The following ZNF804B variants were observed in gnomAD, a reference collection of about 807,000 sequenced individuals.
ZNF804B encodes the protein zinc finger 804B.
ZNF804B carries 80 observed loss-of-function variants against 101.4 expected under a neutral mutation model. The ratio of observed to expected loss-of-function variants is 0.79; its 90% CI spans 0.66 to 0.95. ZNF804B has a LOEUF of 0.95. Among genes scored for constraint, ZNF804B ranks in the 40% least tolerant of loss-of-function variants. The pLI, the probability that ZNF804B is intolerant of heterozygous loss-of-function variation, is 0.00. For synonymous variants in ZNF804B, 622 were observed against 558.8 expected, an observed-to-expected ratio of 1.11 and a Z score of -1.59; for missense variants, 1,673 against 1,561.9, an observed-to-expected ratio of 1.07 and a Z score of -1.20.
chr7:89,208,856 CA>C (rs11310411), intron 1 of ZNF804B, among the ~76,000 whole-genome samples: 5,431 of 151,918 alleles, frequency 0.036, 304 homozygotes, highest in African/African-American at 0.12. Flanking sequence ...ACTGAAAATA[CA>C]AAAAATTAGC....
At chr7:88,817,788 G>GT (rs1226705450) in intron 1 of ZNF804B, among the ~76,000 whole-genome samples, 2 of 152,030 alleles carry the variant, frequency 1.3e-5, no homozygotes, top group South Asian at 2.1e-4. Flanking sequence ...GATTTCATCT[G>GT]TTTTTTTGCA....
intron 1 of ZNF804B, among the ~76,000 whole-genome samples, chr7:89,028,700 C>G (rs573848665): frequency 6.6e-6 from 1 of 152,150 alleles, no homozygotes; most frequent in South Asian, 2.1e-4. Flanking sequence ...TTTGTGCTGA[C>G]CCTTTTACAG....
intron 1 of ZNF804B, among the ~76,000 whole-genome samples, chr7:88,964,371 A>G (rs1467792884): frequency 1.3e-5 from 2 of 151,548 alleles, no homozygotes; most frequent in African/African-American, 4.8e-5. Flanking sequence ...CTGATCTATA[A>G]TACAACATGG....
intron 1 of ZNF804B, among the ~76,000 whole-genome samples, chr7:88,919,786 CG>C (rs1792692849): frequency 6.6e-6 from 1 of 152,028 alleles, no homozygotes; most frequent in Non-Finnish European, 1.5e-5. Flanking sequence ...TGATTAACAG[CG>C]TAAGTTCTGA....
chr7:88,886,480 T>G (rs1792129852), intron 1 of ZNF804B, among the ~76,000 whole-genome samples: 1 of 152,194 alleles, frequency 6.6e-6, no homozygotes, highest in East Asian at 1.9e-4. Context: ...ACTTCCCATT[T>G]AAATATTTTC....
At chr7:88,958,947 A>T (rs1793353123) in intron 1 of ZNF804B, among the ~76,000 whole-genome samples, 2 of 151,568 alleles carry the variant, frequency 1.3e-5, no homozygotes, top group South Asian at 4.1e-4. Flanking sequence ...CCGAAAGTGG[A>T]ATCTTTGTTC....
chr7:89,102,815 C>T (rs1273001588), intron 1 of ZNF804B, among the ~76,000 whole-genome samples: 7 of 151,712 alleles, frequency 4.6e-5, no homozygotes, highest in Non-Finnish European at 1.0e-4. Context: ...AGTTTCAGGT[C>T]CTACATTTAG....
At chr7:88,983,929 C>T (rs1338338351) in intron 1 of ZNF804B, among the ~76,000 whole-genome samples, 1 of 152,038 alleles carries the variant, frequency 6.6e-6, no homozygotes, top group Non-Finnish European at 1.5e-5. Context: ...CAAATCTTGG[C>T]ACCTCAGTGA....
At chr7:88,936,034 C>T (rs931602623) in intron 1 of ZNF804B, among the ~76,000 whole-genome samples, 2 of 150,732 alleles carry the variant, frequency 1.3e-5, no homozygotes, top group African/African-American at 2.4e-5. Context: ...CCCACCCTCC[C>T]TCTTCCCTCT....
intron 1 of ZNF804B, among the ~76,000 whole-genome samples, chr7:89,054,224 G>A (rs1041622509): frequency 1.3e-5 from 2 of 150,148 alleles, no homozygotes; most frequent in Non-Finnish European, 1.5e-5. Flanking sequence ...GAAATTAATT[G>A]CTGTCTTATA....
intron 2 of ZNF804B, among the ~76,000 whole-genome samples, chr7:89,242,867 T>C (rs1789391570): frequency 6.6e-6 from 1 of 151,894 alleles, no homozygotes; most frequent in South Asian, 2.1e-4. Flanking sequence ...GAATAATGTG[T>C]TTTACTTACC....
At chr7:89,055,567 A>G (rs973194652) in intron 1 of ZNF804B, among the ~76,000 whole-genome samples, 1 of 152,084 alleles carries the variant, frequency 6.6e-6, no homozygotes, top group Non-Finnish European at 1.5e-5. Context: ...GGATCTTACC[A>G]GTTTTGTCTA....
At chr7:89,056,208 A>G (rs2116273903) in intron 1 of ZNF804B, among the ~76,000 whole-genome samples, 1 of 152,184 alleles carries the variant, frequency 6.6e-6, no homozygotes, top group South Asian at 2.1e-4. Flanking sequence ...ACTTTCAAGG[A>G]TGTAAACACT....
rs566357665 is a variant in ZNF804B at position 88,901,361 on chromosome 7, A to G, written c.108+141277A>G. 3.3e-5 allele frequency among the ~76,000 whole-genome samples: 5 copies of G among 151,986 alleles called. No individual in the cohort carries two copies. The South Asian group carries it at 1.0e-3, about 31-fold the overall frequency. On this transcript the variant is annotated intron_variant, in intron 1 of 3. Coordinates refer to ENST00000333190, the MANE Select transcript of ZNF804B (RefSeq NM_181646.5). ...TTCTCAACTCATTTAATTACTGAGA[A>G]TTTTCAAGGACTTTTAAATTATGTT...
At chr7:89,230,509 A>G (rs990697486) in intron 2 of ZNF804B, among the ~76,000 whole-genome samples, 1 of 152,184 alleles carries the variant, frequency 6.6e-6, no homozygotes, top group African/African-American at 2.4e-5. Context: ...ATCCAGTTTC[A>G]AAAAGTACTA....
At chr7:88,820,218 C>A (rs953102957) in intron 1 of ZNF804B, among the ~76,000 whole-genome samples, 2 of 152,142 alleles carry the variant, frequency 1.3e-5, no homozygotes, top group African/African-American at 4.8e-5. Flanking sequence ...GCCTGTACTT[C>A]ATGATACAAA....
intron 1 of ZNF804B, among the ~76,000 whole-genome samples, chr7:89,061,984 G>T (rs924118859): frequency 6.6e-6 from 1 of 151,804 alleles, no homozygotes; most frequent in Non-Finnish European, 1.5e-5. Context: ...ATTCCTAGGG[G>T]GTCAGTTATT....
intron 2 of ZNF804B, among the ~76,000 whole-genome samples, chr7:89,249,236 G>A (rs987282713): frequency 6.6e-6 from 1 of 151,926 alleles, no homozygotes; most frequent in Non-Finnish European, 1.5e-5. Flanking sequence ...ATTAGGCAAG[G>A]AACTAACAAA....
In ZNF804B at chr7:89,218,192, A is replaced by G. The variant is rs753804465; in HGVS notation, c.146A>G (p.Glu49Gly). 3 of 1,613,860 alleles carry G rather than the reference A, an allele frequency of 1.9e-6. No individual in the cohort carries two copies. In the East Asian group the frequency reaches 6.7e-5, roughly 36 times the overall value. The change falls in exon 2 of 4, where the codon GAA (glutamate) becomes GGA (glycine). Residue 49 changes from glutamate (E) to glycine (G), a missense_variant. Glu to Gly is a moderately conservative substitution (Grantham distance 98). Transcript: ENST00000333190. ...AAGAAGTCCACAGCAAAGGCCCTGGAAGATGTAAAGGCAAACTTTTACTGT... is the reference window on the plus strand; with the variant it reads ...AAGAAGTCCACAGCAAAGGCCCTGGGAGATGTAAAGGCAAACTTTTACTGT... ...AEKKSTAKAL[E>G]DVKANFYCEL...
Sources: allele counts gnomAD v4.1 joint callset (sites outside exome capture counted in the v4.1 genomes callset), GRCh38; gene constraint gnomAD v4.1.1; transcripts MANE v1.5; gene names NCBI Gene and HGNC (gene_info 2026-07-23, HGNC 2026-07-21).